The following MMP16 variants were observed in gnomAD, a reference collection of about 807,000 sequenced individuals.
MMP16 encodes the protein matrix metallopeptidase 16.
A neutral mutation model predicts 67.8 loss-of-function variants in MMP16; 12 were observed. That is an observed-to-expected ratio of 0.18 (90% confidence interval 0.11 to 0.29). MMP16 has a LOEUF of 0.29. Among genes scored for constraint, MMP16 ranks in the 10% least tolerant of loss-of-function variants. The probability of loss-of-function intolerance (pLI) is 1.00; values close to 1 mark genes in which losing one functional copy is unlikely to be tolerated. For synonymous variants in MMP16, 249 were observed against 255.9 expected, an observed-to-expected ratio of 0.97 and a Z score of 0.26; for missense variants, 475 against 765.7, an observed-to-expected ratio of 0.62 and a Z score of 4.48.
chr8:88,208,077 A>T (rs1222240179), intron 1 of MMP16, among the ~76,000 whole-genome samples: 16 of 152,208 alleles, frequency 1.1e-4, no homozygotes, highest in Admixed American at 1.0e-3. Flanking sequence ...TCTTGAAGAA[A>T]ATCATTGAGA....
chr8:88,092,013 C>T (rs17720688), intron 6 of MMP16, among the ~76,000 whole-genome samples: 13,004 of 151,712 alleles, frequency 0.086, 780 homozygotes, highest in Middle Eastern at 0.17. Context: ...TCCTGTATGG[C>T]TAAGAAAATA....
At chr8:88,043,781 G>T (rs758069273) in intron 9 of MMP16, among the ~76,000 whole-genome samples, 1 of 152,150 alleles carries the variant, frequency 6.6e-6, no homozygotes, top group African/African-American at 2.4e-5. Flanking sequence ...TTTTTCAGCC[G>T]AGAGTTGGTA....
chr8:88,321,098 T>C (rs1225110462), intron 1 of MMP16, among the ~76,000 whole-genome samples: 1 of 152,202 alleles, frequency 6.6e-6, no homozygotes, highest in Admixed American at 6.5e-5. Context: ...ATGGAATTTT[T>C]TATTGTTCAC....
At chr8:88,104,229 C>T (rs1409136615) in intron 6 of MMP16, among the ~76,000 whole-genome samples, 2 of 151,656 alleles carry the variant, frequency 1.3e-5, no homozygotes, top group Non-Finnish European at 3.0e-5. Flanking sequence ...TCTATCTTTT[C>T]TATGCCTTGT....
At chr8:88,242,009 A>C (rs1327629829) in intron 1 of MMP16, among the ~76,000 whole-genome samples, 1 of 152,188 alleles carries the variant, frequency 6.6e-6, no homozygotes, top group East Asian at 1.9e-4. Context: ...TCTTGGAACA[A>C]CTAGATGTAT....
chr8:88,122,616 T>C (rs2118447202), intron 4 of MMP16, among the ~76,000 whole-genome samples: 1 of 151,968 alleles, frequency 6.6e-6, no homozygotes, highest in South Asian at 2.1e-4. Flanking sequence ...TAGTAGAAAT[T>C]TCTCCAGTGC....
intron 6 of MMP16, among the ~76,000 whole-genome samples, chr8:88,090,998 C>T (rs755000258): frequency 6.6e-6 from 1 of 151,808 alleles, no homozygotes; most frequent in African/African-American, 2.4e-5. Context: ...CCTATTGATC[C>T]TTCAAAATGC....
intron 1 of MMP16, among the ~76,000 whole-genome samples, chr8:88,264,734 T>C (rs1184644249): frequency 1.3e-5 from 2 of 152,196 alleles, no homozygotes; most frequent in African/African-American, 2.4e-5. Context: ...ACATACATGA[T>C]TGCCATGGCA....
At chr8:88,118,510 A>C (rs932310803) in intron 5 of MMP16, among the ~76,000 whole-genome samples, 190 bp downstream of exon 5, 2 of 152,092 alleles carry the variant, frequency 1.3e-5, no homozygotes, top group Admixed American at 1.3e-4. Flanking sequence ...CCCATAATCT[A>C]TACATTAAGA....
intron 2 of MMP16, among the ~76,000 whole-genome samples, chr8:88,189,851 G>A (rs1224980016): frequency 6.6e-6 from 1 of 152,124 alleles, no homozygotes; most frequent in Non-Finnish European, 1.5e-5. Context: ...ATCCTGATTT[G>A]TATGTGTCTG....
intron 9 of MMP16, among the ~76,000 whole-genome samples, chr8:88,043,019 G>A (rs576188869): frequency 8.5e-5 from 13 of 152,128 alleles, no homozygotes; most frequent in East Asian, 5.8e-4. Context: ...GTTTATAATC[G>A]TTAATGAAGG....
intron 1 of MMP16, among the ~76,000 whole-genome samples, chr8:88,209,530 T>C (rs1186819038): frequency 6.6e-6 from 1 of 152,284 alleles, no homozygotes; most frequent in Non-Finnish European, 1.5e-5. Flanking sequence ...TCAAATGTTA[T>C]ATGCCAATTT....
intron 1 of MMP16, among the ~76,000 whole-genome samples, chr8:88,292,426 A>T (rs1390938451): frequency 6.6e-6 from 1 of 152,198 alleles, no homozygotes; most frequent in Non-Finnish European, 1.5e-5. Flanking sequence ...CCGTGTGAAC[A>T]CCAGGTGAGG....
chr8:88,070,971 T>C (rs1486043352), intron 7 of MMP16, among the ~76,000 whole-genome samples: 1 of 152,126 alleles, frequency 6.6e-6, no homozygotes, highest in Non-Finnish European at 1.5e-5. Flanking sequence ...TGATCTACCA[T>C]ACTTTAACAT....
At chr8:88,098,508 T>C (rs1339127461) in intron 6 of MMP16, among the ~76,000 whole-genome samples, 5 of 152,100 alleles carry the variant, frequency 3.3e-5, no homozygotes, top group South Asian at 4.2e-4. Context: ...AAGTATGACA[T>C]AGGTTAACTC....
chr8:88,197,057 A>G, intron 2 of MMP16, 101 bp downstream of exon 2: 1 of 1,123,018 alleles, frequency 8.9e-7, no homozygotes, highest in South Asian at 1.6e-5. Flanking sequence ...TCATGAGACA[A>G]ATTACTCCAT....
chr8:88,260,722 C>T (rs1234455253), intron 1 of MMP16, among the ~76,000 whole-genome samples: 1 of 152,024 alleles, frequency 6.6e-6, no homozygotes, highest in African/African-American at 2.4e-5. Flanking sequence ...TGAACAATTA[C>T]AATATAGATT....
intron 8 of MMP16, among the ~76,000 whole-genome samples, chr8:88,050,876 C>T (rs948535650): frequency 1.3e-5 from 2 of 152,140 alleles, no homozygotes; most frequent in African/African-American, 4.8e-5. Context: ...ATATGCCAGA[C>T]TCATAGGATT....
At chr8:88,097,054 G>A (rs1809040696) in intron 6 of MMP16, among the ~76,000 whole-genome samples, 1 of 151,866 alleles carries the variant, frequency 6.6e-6, no homozygotes, top group Non-Finnish European at 1.5e-5. Context: ...CACATGCACA[G>A]AATGGGCTCC....
Sources: allele counts gnomAD v4.1 joint callset (sites outside exome capture counted in the v4.1 genomes callset), GRCh38; gene constraint gnomAD v4.1.1; transcripts MANE v1.5; gene names NCBI Gene and HGNC (gene_info 2026-07-23, HGNC 2026-07-21).